Variants in NLRP14 observed in about 807,000 individuals in gnomAD.
The protein encoded by NLRP14 is NLR family pyrin domain containing 14.
In NLRP14, 105 loss-of-function variants were observed where a neutral mutation model predicts 94.7. That is an observed-to-expected ratio of 1.11 (90% CI 0.95 to 1.30). The LOEUF (loss-of-function observed/expected upper bound fraction) is 1.30, where lower values mean the gene tolerates loss of function less well. NLRP14 is among the 50% of genes most tolerant of loss of function. The pLI is 0.00. For missense variants in NLRP14, 1,362 were observed against 1,254.1 expected (o/e 1.09, Z -1.30); for synonymous variants, 508 against 459.9 (o/e 1.10, Z -1.34).
chr11:7,078,208 A>G, the NLRP14 span, among the ~76,000 whole-genome samples: 94,431 of 151,218 alleles, frequency 0.62, 29,744 homozygotes, highest in East Asian at 0.78. Context: ...GGAGGCCAAG[A>G]CGGGTGGATC....
intron 5 of NLRP14, among the ~76,000 whole-genome samples, chr11:7,047,263 A>G (rs76145501): frequency 0.048 from 7,303 of 152,252 alleles, 337 homozygotes; most frequent in African/African-American, 0.12. Context: ...AACACACCCA[A>G]AACAAGATAG....
chr11:7,047,399 G>C (rs1266045379), intron 5 of NLRP14, among the ~76,000 whole-genome samples: 1 of 151,602 alleles, frequency 6.6e-6, no homozygotes, highest in Non-Finnish European at 1.5e-5. Context: ...GAACTCCTGG[G>C]CTCAAGCAAT....
Position 7,057,817 on chromosome 11 carries a change from G to T in NLRP14, c.2432G>T (p.Arg811Ile). Residue 811 changes from arginine (R) to isoleucine (I), a missense_variant, in exon 7 of 12, where the codon AGA becomes ATA. Coordinates refer to ENST00000299481, the MANE Select transcript of NLRP14 (RefSeq NM_176822.4). Reference sequence around the variant, plus strand: ...GTGCAGCTTTTGTGTGAGGCCTTAAGACATCCAAAGTGTTATCTAGAGAGA... The same window carrying T: ...GTGCAGCTTTTGTGTGAGGCCTTAATACATCCAAAGTGTTATCTAGAGAGA... ...DGVQLLCEAL[R>I]HPKCYLERLS... is the part of the protein sequence containing the mutation. The T allele has an allele frequency of 6.2e-7, 1 of 1,612,466 alleles. No homozygotes were observed. Among genetic ancestry groups the T allele is most frequent in the Non-Finnish European group, 8.5e-7 (1 of 1,178,634 alleles).
At chr11:7,063,582 G>T (rs1005115656) in intron 10 of NLRP14, among the ~76,000 whole-genome samples, 2 of 152,010 alleles carry the variant, frequency 1.3e-5, no homozygotes, top group Non-Finnish European at 2.9e-5. Flanking sequence ...AAGACCTATG[G>T]AAGAATATCT....
intron 11 of NLRP14, 35 bp from the exon 12 acceptor site, chr11:7,071,138 A>C (rs375411052): frequency 6.2e-7 from 1 of 1,613,310 alleles, no homozygotes; most frequent in Non-Finnish European, 8.5e-7. Flanking sequence ...AGGGAAATTG[A>C]ATGCAGGAAA....
At chr11:7,049,960 T>A in intron 6 of NLRP14, 122 bp downstream of exon 6, 1 of 833,510 alleles carries the variant, frequency 1.2e-6, no homozygotes, top group Non-Finnish European at 2.1e-6. Flanking sequence ...TTTCATGATA[T>A]GGGGTAGCAA....
chr11:7,035,606 A>T (rs721322), intron 1 of NLRP14, among the ~76,000 whole-genome samples: 84,369 of 151,932 alleles, frequency 0.56, 24,330 homozygotes, highest in East Asian at 0.73. Context: ...ATTTAATTAG[A>T]GCGACCAAGA....
the NLRP14 span, chr11:7,088,958 A>C: frequency 1.6e-5 from 12 of 772,828 alleles, no homozygotes; most frequent in Non-Finnish European, 2.5e-5. Context: ...CACAGGCAGC[A>C]GGGGCGCGCC....
intron 10 of NLRP14, among the ~76,000 whole-genome samples, chr11:7,069,918 T>C (rs1163402138): frequency 2.0e-5 from 3 of 152,164 alleles, no homozygotes; most frequent in Non-Finnish European, 4.4e-5. Flanking sequence ...TGAGCCACCA[T>C]GCCTGGCCTA....
intron 1 of NLRP14, among the ~76,000 whole-genome samples, chr11:7,021,359 G>T (rs778440626): frequency 1.3e-5 from 2 of 152,172 alleles, no homozygotes; most frequent in Non-Finnish European, 2.9e-5. Context: ...AGCAGGGGTG[G>T]GTGGCCCAGC....
intron 11 of NLRP14, 99 bp from the exon 12 acceptor site, chr11:7,071,074 G>A: frequency 7.3e-7 from 1 of 1,371,402 alleles, no homozygotes; most frequent in Non-Finnish European, 1.0e-6. Flanking sequence ...TATTTTAACA[G>A]AACAGTTTTT....
At chr11:7,020,794 C>G (rs1375504829) in intron 1 of NLRP14, 24 bp downstream of exon 1, 1 of 152,380 alleles carries the variant, frequency 6.6e-6, no homozygotes, top group African/African-American at 2.4e-5. Context: ...AAATTCCGTC[C>G]TATTGTTGCC....
intron 1 of NLRP14, among the ~76,000 whole-genome samples, chr11:7,032,936 C>T (rs10839695): frequency 0.56 from 84,467 of 151,952 alleles, 24,396 homozygotes; most frequent in East Asian, 0.73. Context: ...ATAGGACATT[C>T]GTTACCAGGA....
chr11:7,039,642 C>A, intron 2 of NLRP14, 72 bp from the exon 3 acceptor site: 2 of 1,207,872 alleles, frequency 1.7e-6, no homozygotes, highest in Non-Finnish European at 1.2e-6. Flanking sequence ...GAATGCTGGC[C>A]TCTGTTCTAG....
chr11:7,032,644 G>T (rs1449716380), intron 1 of NLRP14, among the ~76,000 whole-genome samples: 1 of 152,066 alleles, frequency 6.6e-6, no homozygotes, highest in Non-Finnish European at 1.5e-5. Flanking sequence ...TTCCTGGTTT[G>T]CATTAGTTGT....
downstream of NLRP14, among the ~76,000 whole-genome samples, chr11:7,072,530 T>C (rs1016176136): frequency 1.3e-5 from 2 of 152,242 alleles, no homozygotes; most frequent in African/African-American, 4.8e-5. Flanking sequence ...ACTTTATACA[T>C]TGACTCATCT....
At chr11:7,082,809 G>T in the NLRP14 span, among the ~76,000 whole-genome samples, 148,110 of 152,288 alleles carry the variant, frequency 0.97, 72,158 homozygotes, top group Middle Eastern at 1. Flanking sequence ...TTCACATAGG[G>T]AGCGTTACAT....
At chr11:7,069,236 C>T (rs762705495) in intron 10 of NLRP14, among the ~76,000 whole-genome samples, 1 of 152,140 alleles carries the variant, frequency 6.6e-6, no homozygotes, top group East Asian at 1.9e-4. Flanking sequence ...TATTTACATA[C>T]CCTGTCTCAT....
intron 1 of NLRP14, among the ~76,000 whole-genome samples, chr11:7,022,268 T>C (rs1851957393): frequency 1.3e-5 from 2 of 152,136 alleles, no homozygotes; most frequent in African/African-American, 4.8e-5. Flanking sequence ...GCACCAGCTT[T>C]GATGGGGGTC....
Sources: allele counts gnomAD v4.1 joint callset (sites outside exome capture counted in the v4.1 genomes callset), GRCh38; gene constraint gnomAD v4.1.1; transcripts MANE v1.5; gene names NCBI Gene and HGNC (gene_info 2026-07-23, HGNC 2026-07-21).